DNMT3L: variants seen among roughly 807,000 people sequenced by gnomAD.
DNMT3L encodes DNA methyltransferase 3 like.
Under a neutral mutation model 36.2 loss-of-function variants are expected in DNMT3L, and 33 were observed. The ratio of observed to expected loss-of-function variants is 0.91; its 90% CI spans 0.69 to 1.22. DNMT3L has a LOEUF of 1.22. DNMT3L is among the 50% of genes most tolerant of loss of function. The probability of loss-of-function intolerance (pLI) is 0.00; values close to 1 mark genes in which losing one functional copy is unlikely to be tolerated. For synonymous variants in DNMT3L, 117 were observed against 121.7 expected, an observed-to-expected ratio of 0.96 and a Z score of 0.26; for missense variants, 310 against 303.1, an observed-to-expected ratio of 1.02 and a Z score of -0.17.
In DNMT3L at chr21:44,261,813, C is replaced by T. The variant is rs1467366418; in HGVS notation, c.-81G>A. On this transcript the variant is annotated 5_prime_UTR_variant, in exon 1 of 12. Coordinates refer to ENST00000628202, the MANE Select transcript of DNMT3L (RefSeq NM_175867.3). ...TCCAGTGGTCCGGGGCTTCCAGGCT[C>T]AGGGTCCCCGGGGAGGACTGGGCCA... 1 of 153,164 alleles carries T rather than the reference C, an allele frequency of 6.5e-6. No individual in the cohort carries two copies. The highest frequency in any genetic ancestry group is 1.5e-5 in the Non-Finnish European group (1 of 68,708). 9.5% of individuals were successfully genotyped at this position (153,164 alleles called of 1,614,324 possible).
intron 2 of DNMT3L, 125 bp from the exon 3 acceptor site, chr21:44,260,964 C>A: frequency 6.8e-7 from 1 of 1,466,522 alleles, no homozygotes. Flanking sequence ...CCCTGCCATC[C>A]CGCCCTCACA....
intron 8 of DNMT3L, among the ~76,000 whole-genome samples, 175 bp downstream of exon 8, chr21:44,254,442 C>T (rs2040241565): frequency 6.6e-6 from 1 of 152,188 alleles, no homozygotes; most frequent in Admixed American, 6.5e-5. Context: ...CGGGGTTGGG[C>T]TGACTCCTGT....
At position 44,259,672 on chromosome 21, in the gene DNMT3L, T is replaced by G; in HGVS notation, c.191A>C (p.Gln64Pro). The change falls in exon 4 of 12, where the codon CAG (glutamine) becomes CCG (proline). Residue 64 changes from glutamine (Q) to proline (P), a missense_variant. Gln to Pro is a moderately conservative substitution (Grantham distance 76). Transcript: ENST00000628202. Reference sequence around the variant, plus strand: ...GATCCCTCCCTCAAACAGAGGGTGCTGTGTGTGAACCTGGAGACTTCCGCA... The same window carrying G: ...GATCCCTCCCTCAAACAGAGGGTGCGGTGTGTGAACCTGGAGACTTCCGCA... Reference protein sequence around the residue: ...ICCGSLQVHTQHPLFEGGICA... With the variant: ...ICCGSLQVHTPHPLFEGGICA... The G allele has an allele frequency of 6.2e-7, 1 of 1,613,050 alleles. No homozygotes were observed. Among genetic ancestry groups the G allele is most frequent in the Non-Finnish European group, 8.5e-7 (1 of 1,179,724 alleles).
chr21:44,255,750 G>A (rs1046872679), intron 7 of DNMT3L, among the ~76,000 whole-genome samples: 3 of 152,222 alleles, frequency 2.0e-5, no homozygotes, highest in Non-Finnish European at 2.9e-5. Context: ...GCATGGGGCA[G>A]ATATGTGCTC....
In DNMT3L at chr21:44,256,055, T is replaced by A. The variant is rs2040255791; in HGVS notation, c.604+12A>T. The A allele has an allele frequency of 6.2e-7, 1 of 1,613,624 alleles. No individual in the cohort carries two copies. Among genetic ancestry groups the A allele is most frequent in the Non-Finnish European group, 8.5e-7 (1 of 1,179,870 alleles). On this transcript the variant is annotated intron_variant, in intron 7 of 11. Transcript: ENST00000628202. ...TCTTTCCATGTGTGTCTTTGGGACA[T>A]CACTGACTCACCTTTCTTGATGTCT...
In DNMT3L at chr21:44,258,335, A is replaced by G. The variant is rs1568916566; in HGVS notation, c.516+188T>C. 6.6e-6 allele frequency among the ~76,000 whole-genome samples: 1 copy of G among 152,224 alleles called. No individual in the cohort carries two copies. The highest frequency in any genetic ancestry group is 1.5e-5 in the Non-Finnish European group (1 of 68,038). On this transcript the variant is annotated intron_variant, in intron 6 of 11. Coordinates refer to ENST00000628202, the MANE Select transcript of DNMT3L (RefSeq NM_175867.3). This position sits in a 1 kb window ranked among gnomAD's most constrained non-coding sequence, Gnocchi z 6.2. ...AGGCTTGGAAGCAACAAAACTGCCA[A>G]AGCAGTTTACCCAAAGCCACCATCG...
In DNMT3L at chr21:44,254,524, G is replaced by A. The variant is rs11909012; in HGVS notation, c.693+93C>T. 2.7e-3 allele frequency: 3,879 copies of A among 1,419,158 alleles called. 101 individuals are homozygous for A. In the African/African-American group the frequency reaches 0.049, roughly 18 times the overall value. The allele number at this position is 1,419,158 out of a possible 1,614,324, so 87.9% of individuals were successfully genotyped here. On this transcript the variant is annotated intron_variant, in intron 8 of 11. Coordinates refer to ENST00000628202, the MANE Select transcript of DNMT3L (RefSeq NM_175867.3). ...AGGACTCCTCCCAGCCCCTGCTGCC[G>A]CCTCCTTGCCCGCCTCATCCTTGGC...
chr21:44,259,531 G>A lies in DNMT3L; in HGVS notation c.250C>T (p.Leu84Phe). 1 of 1,613,734 alleles carries A rather than the reference G, an allele frequency of 6.2e-7. No individual in the cohort carries two copies. Among genetic ancestry groups the A allele is most frequent in the Non-Finnish European group, 8.5e-7 (1 of 1,180,020 alleles). ...APCKDKFLDA[L>F]FLYDDDGYQS... Reference sequence around the variant, plus strand: ...TACCCGTCATCGTCGTACAGGAAGAGGGCATCCAGGAACTTGTCCTTGGAA... The same window carrying A: ...TACCCGTCATCGTCGTACAGGAAGAAGGCATCCAGGAACTTGTCCTTGGAA... Residue 84 changes from leucine to phenylalanine, a missense_variant, in exon 5 of 12, where the codon CTC becomes TTC. By Grantham distance (22) the Leu-to-Phe change is conservative. Transcript: ENST00000628202.
chr21:44,255,071 G>T (rs373782704), intron 7 of DNMT3L, among the ~76,000 whole-genome samples: 1 of 151,816 alleles, frequency 6.6e-6, no homozygotes, highest in Non-Finnish European at 1.5e-5. Context: ...CAAATGTTCC[G>T]CCCACTTCAG....
At chr21:44,255,775 T>G (rs1177974869) in intron 7 of DNMT3L, among the ~76,000 whole-genome samples, 1 of 152,240 alleles carries the variant, frequency 6.6e-6, no homozygotes, top group African/African-American at 2.4e-5. Flanking sequence ...ATGAGGCCGC[T>G]CTGAGACACT....
intron 6 of DNMT3L, among the ~76,000 whole-genome samples, 172 bp from the exon 7 acceptor site, chr21:44,256,326 C>A (rs904407214): frequency 1.1e-4 from 17 of 152,102 alleles, no homozygotes; most frequent in Middle Eastern, 3.4e-3. Flanking sequence ...CACTGCCCCC[C>A]CAGGAAGGCC....
At position 44,261,202 on chromosome 21, in the gene DNMT3L, C is replaced by T. The variant is rs567378551; in HGVS notation, c.58G>A (p.Val20Met). Reference protein sequence around the residue: ...EAEPSMDVILVGSSELSSSVS... With the variant: ...EAEPSMDVILMGSSELSSSVS... ...GAGCTTGAGAGCTCACTGGATCCCACCAAAATCACGTCCATGCTGGGCTCG... is the reference window on the plus strand; with the variant it reads ...GAGCTTGAGAGCTCACTGGATCCCATCAAAATCACGTCCATGCTGGGCTCG... Residue 20 changes from valine to methionine, a missense_variant, in exon 2 of 12, where the codon GTG becomes ATG. Physicochemically the swap from Val to Met is conservative, Grantham distance 21 (BLOSUM62 1). Coordinates refer to ENST00000628202, the MANE Select transcript of DNMT3L (RefSeq NM_175867.3). 3.7e-6 allele frequency: 6 copies of T among 1,612,716 alleles called. No individual in the cohort carries two copies. The highest frequency in any genetic ancestry group is 4.5e-5 in the East Asian group (2 of 44,886).
In DNMT3L at chr21:44,254,624, C is replaced by T. The variant is rs1352173052; in HGVS notation, c.686G>A (p.Arg229Lys). The part of the protein sequence containing the change: ...KHVVDVTDTV[R>K]KDVEEWGPFD... ...GTTCACGGCGGTACTCACATCCTTC[C>T]TCACTGTGTCTGTGACATCAACCAC... Residue 229 changes from arginine (R) to lysine (K), a missense_variant, in exon 8 of 12, where the codon AGG becomes AAG. Coordinates refer to ENST00000628202, the MANE Select transcript of DNMT3L (RefSeq NM_175867.3). 1 of 1,613,956 alleles carries T rather than the reference C, an allele frequency of 6.2e-7. No homozygotes were observed. Among genetic ancestry groups the T allele is most frequent in the Admixed American group, 1.7e-5 (1 of 60,008 alleles).
rs773520313 is a variant in DNMT3L, at chr21:44,259,618, G to A, written c.231+14C>T. 6.2e-7 allele frequency: 1 copy of A among 1,613,264 alleles called. No individual in the cohort carries two copies. The highest frequency in any genetic ancestry group is 8.5e-7 in the Non-Finnish European group (1 of 1,179,892). On this transcript the variant is annotated intron_variant, in intron 4 of 11. Coordinates refer to ENST00000628202, the MANE Select transcript of DNMT3L (RefSeq NM_175867.3). ...TGAGGCCATGAGGGAGTCACCCCCA[G>A]CCTCCCTGCCTACCTTACATGGGGC...
intron 3 of DNMT3L, among the ~76,000 whole-genome samples, chr21:44,260,225 A>C (rs747238186): frequency 7.9e-5 from 12 of 152,256 alleles, no homozygotes; most frequent in Non-Finnish European, 1.5e-4. Context: ...ACCCACGTTG[A>C]GAGAAAGTCG....
chr21:44,256,667 C>A (rs2040261742), intron 6 of DNMT3L, among the ~76,000 whole-genome samples: 1 of 152,074 alleles, frequency 6.6e-6, no homozygotes, highest in Admixed American at 6.6e-5. Context: ...CTTCCAGAAC[C>A]TCGGAGAAGA....
intron 6 of DNMT3L, among the ~76,000 whole-genome samples, chr21:44,257,404 C>T (rs377473011): frequency 4.0e-5 from 6 of 148,708 alleles, no homozygotes; most frequent in South Asian, 2.1e-4. Context: ...AAAACAAGGC[C>T]GGTGCGGTGG....
chr21:44,254,383 G>A (rs1423246050), intron 8 of DNMT3L, among the ~76,000 whole-genome samples: 2 of 152,220 alleles, frequency 1.3e-5, no homozygotes, highest in Non-Finnish European at 2.9e-5. Context: ...CCACCAAAAC[G>A]TGCTGCTCAG....
rs1284209170 is a variant in DNMT3L at position 44,258,202 on chromosome 21, C to T, written c.516+321G>A. Among the ~76,000 whole-genome samples, 1 of 152,128 alleles carries T rather than the reference C, an allele frequency of 6.6e-6. No homozygotes were observed. The highest frequency in any genetic ancestry group is 1.5e-5 in the Non-Finnish European group (1 of 68,008). ...TCGGCTGGACTCCCAAAACGGCCCACACCTGGCCAGCAGAAGCCCAGGCAC... is the reference window on the plus strand; with the variant it reads ...TCGGCTGGACTCCCAAAACGGCCCATACCTGGCCAGCAGAAGCCCAGGCAC... On this transcript the variant is annotated intron_variant, in intron 6 of 11. Transcript: ENST00000628202. The surrounding 1 kb of genome is among the most constrained non-coding windows in gnomAD (Gnocchi z 6.2).
Sources: gnomAD v4.1 joint callset for allele counts (sites outside exome capture counted in the v4.1 genomes callset) on GRCh38, gnomAD v4.1.1 for gene constraint, Gnocchi (gnomAD v3.1) non-coding constraint, MANE v1.5 for transcripts, NCBI Gene and HGNC (gene_info 2026-07-23, HGNC 2026-07-21) for gene names.